The following CEP43 variants were observed in gnomAD, a reference collection of about 807,000 sequenced individuals.
CEP43 encodes centrosomal protein 43.
In CEP43, 36 loss-of-function variants were observed where a neutral mutation model predicts 52.6. The ratio of observed to expected loss-of-function variants is 0.68; its 90% CI spans 0.52 to 0.90. CEP43 has a LOEUF of 0.90. Among genes scored for constraint, CEP43 ranks in the 40% least tolerant of loss-of-function variants. The pLI is 0.00. For synonymous variants in CEP43, 192 were observed against 172.4 expected (o/e 1.11, Z -0.89); for missense variants, 506 against 472.8 (o/e 1.07, Z -0.65).
intron 12 of CEP43, among the ~76,000 whole-genome samples, chr6:167,038,901 C>G (rs1156738395): frequency 6.6e-6 from 1 of 152,140 alleles, no homozygotes; most frequent in Non-Finnish European, 1.5e-5. Context: ...GCACCCATCA[C>G]CCTAGCAGTA....
chr6:167,019,473 T>C (rs1780177913), intron 7 of CEP43, among the ~76,000 whole-genome samples: 1 of 152,224 alleles, frequency 6.6e-6, no homozygotes, highest in Non-Finnish European at 1.5e-5. Context: ...TTAAGTTTAG[T>C]GAATTCATTA....
chr6:167,042,529 C>G lies in CEP43; in HGVS notation c.*2551C>G, dbSNP rs1780721259. 4.6e-6 allele frequency: 1 copy of G among 217,950 alleles called. No individual in the cohort carries two copies. The highest frequency in any genetic ancestry group is 7.8e-6 in the Non-Finnish European group (1 of 127,940). 13.5% of individuals were successfully genotyped at this position (217,950 alleles called of 1,614,324 possible). Reference sequence around the variant, plus strand: ...ACAGCTCTTCCTCCCCTCCTTACTTCCCTCTCCTGCCCATGCACCAGAGCT... The same window carrying G: ...ACAGCTCTTCCTCCCCTCCTTACTTGCCTCTCCTGCCCATGCACCAGAGCT... On this transcript the variant is annotated 3_prime_UTR_variant, in exon 13 of 13. Transcript: ENST00000366847.
intron 5 of CEP43, among the ~76,000 whole-genome samples, chr6:167,007,546 AAT>A (rs1464353129): frequency 6.6e-6 from 1 of 152,212 alleles, no homozygotes; most frequent in Non-Finnish European, 1.5e-5. Context: ...AAATATTTAA[AAT>A]AGAGACCTCA....
chr6:167,046,386 T>C lies in CEP43; in HGVS notation c.*6408T>C, dbSNP rs1268798956. 1 of 150,692 alleles carries C rather than the reference T, an allele frequency of 6.6e-6. No homozygotes were observed. The highest frequency in any genetic ancestry group is 1.5e-5 in the Non-Finnish European group (1 of 67,572). 9.3% of individuals were successfully genotyped at this position (150,692 alleles called of 1,614,324 possible). A position where few individuals can be genotyped will look rare whatever the true frequency, so the allele number is the denominator to read the frequency against. On this transcript the variant is annotated 3_prime_UTR_variant, in exon 13 of 13. Coordinates refer to ENST00000366847, the MANE Select transcript of CEP43 (RefSeq NM_007045.4). ...AAAATGGAATGGAGGAAGGGAAAAA[T>C]GGAAGGAGGAAGGAAGGAAGGGAAA...
chr6:167,000,614 T>C (rs1171625160), intron 2 of CEP43, among the ~76,000 whole-genome samples: 3 of 152,248 alleles, frequency 2.0e-5, no homozygotes, highest in Non-Finnish European at 4.4e-5. Flanking sequence ...TGAGTAAATA[T>C]TCTGGAATTT....
At chr6:167,003,621 A>C in intron 3 of CEP43, 102 bp from the exon 4 acceptor site, 1 of 681,416 alleles carries the variant, frequency 1.5e-6, no homozygotes, top group Non-Finnish European at 2.5e-6. Context: ...AAAAATTTAG[A>C]AACCTTTCTT....
In CEP43 at chr6:167,004,418, G is replaced by C; in HGVS notation, c.438+17G>C. 6.4e-7 allele frequency: 1 copy of C among 1,563,754 alleles called. No homozygotes were observed. Among genetic ancestry groups the C allele is most frequent in the South Asian group, 1.2e-5 (1 of 81,964 alleles). ...ACTGGGGAAGTAAGTAGAATTCTGT[G>C]TTATCTTTTTCTATTTTAATTATTG... On this transcript the variant is annotated intron_variant, in intron 5 of 12. Coordinates refer to ENST00000366847, the MANE Select transcript of CEP43 (RefSeq NM_007045.4).
At chr6:167,003,122 C>A in intron 2 of CEP43, 71 bp from the exon 3 acceptor site, 2 of 690,450 alleles carry the variant, frequency 2.9e-6, no homozygotes, top group South Asian at 1.9e-5. Flanking sequence ...TCAATGAAAA[C>A]GTTAAACTTT....
chr6:167,014,298 A>G (rs1780046961), intron 7 of CEP43, among the ~76,000 whole-genome samples: 1 of 152,210 alleles, frequency 6.6e-6, no homozygotes, highest in African/African-American at 2.4e-5. Context: ...ACAATTGCAC[A>G]TTTGTGATCC....
At chr6:167,003,924 T>G in intron 4 of CEP43, 113 bp downstream of exon 4, 1 of 708,604 alleles carries the variant, frequency 1.4e-6, no homozygotes, top group Non-Finnish European at 2.3e-6. Flanking sequence ...ATTTAGATTA[T>G]TTTTGGTAGT....
intron 2 of CEP43, 147 bp downstream of exon 2, chr6:167,000,260 C>A (rs775497555): frequency 1.4e-5 from 8 of 574,728 alleles, no homozygotes; most frequent in Non-Finnish European, 2.0e-5. Flanking sequence ...TGAGAGAGAG[C>A]CAAAATTATT....
At position 167,000,181 on chromosome 6, in the gene CEP43, G is replaced by A. The variant is rs550201913; in HGVS notation, c.156+68G>A. 7.2e-6 allele frequency: 9 copies of A among 1,254,402 alleles called. No homozygotes were observed. In the South Asian group the frequency reaches 7.7e-5, roughly 11 times the overall value. The allele number at this position is 1,254,402 out of a possible 1,614,324, so 77.7% of individuals were successfully genotyped here. ...CTTAATTTCTTATTCATTAAAAACC[G>A]TCTTAAAAATAGTTTATAGTAACAT... On this transcript the variant is annotated intron_variant, in intron 2 of 12. Transcript: ENST00000366847.
chr6:167,017,026 C>A (rs537765290), intron 7 of CEP43, among the ~76,000 whole-genome samples: 34 of 150,082 alleles, frequency 2.3e-4, no homozygotes, highest in Non-Finnish European at 4.4e-4. Flanking sequence ...GATGGAGTCT[C>A]TCTCTGTCGC....
intron 5 of CEP43, among the ~76,000 whole-genome samples, chr6:167,007,524 A>G (rs1779882410): frequency 6.6e-6 from 1 of 152,228 alleles, no homozygotes; most frequent in African/African-American, 2.4e-5. Flanking sequence ...TATGTATATA[A>G]ACAAATAGAT....
intron 5 of CEP43, among the ~76,000 whole-genome samples, chr6:167,010,499 G>T (rs1779961314): frequency 6.6e-6 from 1 of 152,208 alleles, no homozygotes; most frequent in African/African-American, 2.4e-5. Flanking sequence ...TATTTGTCTG[G>T]AGAGTAGGGA....
At chr6:167,015,840 GTTC>G (rs1246046911) in intron 7 of CEP43, among the ~76,000 whole-genome samples, 3 of 152,032 alleles carry the variant, frequency 2.0e-5, no homozygotes, top group Non-Finnish European at 4.4e-5. Flanking sequence ...CAAAACTGAA[GTTC>G]TTATTTTTGT....
At chr6:167,011,468 G>A (rs1370763458) in intron 6 of CEP43, 2 of 147,208 alleles carry the variant, frequency 1.4e-5, no homozygotes, top group African/African-American at 5.1e-5. Context: ...AAGCATAATG[G>A]GAAAAAAAAT....
At chr6:167,019,066 G>A (rs927201594) in intron 7 of CEP43, among the ~76,000 whole-genome samples, 7 of 152,236 alleles carry the variant, frequency 4.6e-5, no homozygotes, top group African/African-American at 1.7e-4. Context: ...CTTCCAGTCA[G>A]CCACATGGTC....
chr6:167,027,873 AAATG>A, intron 10 of CEP43: 1 of 985,626 alleles, frequency 1.0e-6, no homozygotes. Flanking sequence ...GCAGAAGAAT[AAATG>A]TTCCCTGAGC....
Sources: allele counts gnomAD v4.1 joint callset (sites outside exome capture counted in the v4.1 genomes callset), GRCh38; gene constraint gnomAD v4.1.1; transcripts MANE v1.5; gene names NCBI Gene and HGNC (gene_info 2026-07-23, HGNC 2026-07-21).